Variants in TXNL4B observed in about 807,000 individuals in gnomAD.
TXNL4B encodes thioredoxin like 4B.
A neutral mutation model predicts 13.0 loss-of-function variants in TXNL4B; 12 were observed. The ratio of observed to expected loss-of-function variants is 0.92; its 90% CI spans 0.59 to 1.49. The LOEUF (loss-of-function observed/expected upper bound fraction) is 1.49, where lower values mean the gene tolerates loss of function less well. TXNL4B is among the 40% of genes most tolerant of loss of function. The pLI, the probability that TXNL4B is intolerant of heterozygous loss-of-function variation, is 0.00. For synonymous variants in TXNL4B, 59 were observed against 58.9 expected (o/e 1.00, Z -0.01); for missense variants, 214 against 173.6 (o/e 1.23, Z -1.31).
chr16:72,093,793 G>A (rs1317967343), upstream of TXNL4B: 1 of 152,332 alleles, frequency 6.6e-6, no homozygotes, highest in African/African-American at 2.4e-5. Context: ...ACTCGGAAGT[G>A]TCTGATCAGA....
At chr16:72,089,178 G>A in intron 2 of TXNL4B, 40 bp from the exon 3 acceptor site, 1 of 1,549,202 alleles carries the variant, frequency 6.5e-7, no homozygotes, top group South Asian at 1.2e-5. Flanking sequence ...AATATGAGAG[G>A]CAGCTTAATG....
At chr16:72,088,945 A>G in intron 3 of TXNL4B, 42 bp downstream of exon 3, 1 of 1,530,724 alleles carries the variant, frequency 6.5e-7, no homozygotes, top group Non-Finnish European at 8.9e-7. Context: ...TTACCAAGGA[A>G]ACTTACAAGG....
At chr16:72,093,306 T>G (rs1392035261) in intron 1 of TXNL4B, 61 bp downstream of exon 1, 1 of 152,220 alleles carries the variant, frequency 6.6e-6, no homozygotes, top group Non-Finnish European at 1.5e-5. Context: ...ATATACATAT[T>G]TAAAGTCACC....
chr16:72,093,904 A>C (rs1335649009), upstream of TXNL4B: 1 of 152,086 alleles, frequency 6.6e-6, no homozygotes, highest in Non-Finnish European at 1.5e-5. Context: ...CTTTGGGCGG[A>C]TAGAGGGGGC....
chr16:72,086,344 T>A lies in TXNL4B; in HGVS notation c.*293A>T. ...AGCCAATGTTTGGGAGGGTTCTGTA[T>A]TAAAGGGATAAAGAAAAACATTAGA... On this transcript the variant is annotated 3_prime_UTR_variant, in exon 4 of 4. Transcript: ENST00000268483. The A allele has an allele frequency of 3.9e-6, 1 of 255,954 alleles. No homozygotes were observed. The allele number at this position is 255,954 out of a possible 1,614,324, so 15.9% of individuals were successfully genotyped here. A position where few individuals can be genotyped will look rare whatever the true frequency, so the allele number is the denominator to read the frequency against.
intron 3 of TXNL4B, among the ~76,000 whole-genome samples, chr16:72,088,347 C>G (rs916785206): frequency 6.6e-6 from 1 of 152,202 alleles, no homozygotes; most frequent in African/African-American, 2.4e-5. Context: ...GTGGACACAT[C>G]AACCACAGTA....
chr16:72,084,896 G>A lies in TXNL4B; in HGVS notation c.*1741C>T. On this transcript the variant is annotated 3_prime_UTR_variant, in exon 4 of 4. Coordinates refer to ENST00000268483, the MANE Select transcript of TXNL4B (RefSeq NM_017853.3). ...ATTTTATTCTTTCACAGAAGTCTGAGGCAGGCAGGTCCAGAGTTCATGCAG... is the reference window on the plus strand; with the variant it reads ...ATTTTATTCTTTCACAGAAGTCTGAAGCAGGCAGGTCCAGAGTTCATGCAG... The A allele has an allele frequency of 2.5e-6, 1 of 398,616 alleles. No individual in the cohort carries two copies. The highest frequency in any genetic ancestry group is 4.4e-6 in the Non-Finnish European group (1 of 226,066). The allele number at this position is 398,616 out of a possible 1,614,324, so 24.7% of individuals were successfully genotyped here. A position where few individuals can be genotyped will look rare whatever the true frequency, so the allele number is the denominator to read the frequency against.
chr16:72,087,460 TTC>T (rs924901423), intron 3 of TXNL4B: 2 of 151,942 alleles, frequency 1.3e-5, no homozygotes, highest in African/African-American at 2.4e-5. Flanking sequence ...TGACATATAT[TTC>T]TTTCATTTGT....
At chr16:72,089,788 A>C (rs141423235) in intron 2 of TXNL4B, among the ~76,000 whole-genome samples, 3 of 152,342 alleles carry the variant, frequency 2.0e-5, no homozygotes, top group South Asian at 2.1e-4. Context: ...AACATTTGTT[A>C]ACTCATTTAA....
intron 1 of TXNL4B, among the ~76,000 whole-genome samples, chr16:72,091,281 A>G (rs2041900681): frequency 6.6e-6 from 1 of 152,182 alleles, no homozygotes; most frequent in Admixed American, 6.5e-5. Context: ...GGTAGGAAGC[A>G]GTTATAAGAA....
At chr16:72,089,237 A>T in intron 2 of TXNL4B, 99 bp from the exon 3 acceptor site, 2 of 1,055,654 alleles carry the variant, frequency 1.9e-6, no homozygotes, top group Non-Finnish European at 2.7e-6. Flanking sequence ...GTTTGAAAAA[A>T]CTCCTGGGCC....
At chr16:72,089,543 T>C (rs781744192) in intron 2 of TXNL4B, among the ~76,000 whole-genome samples, 1 of 152,166 alleles carries the variant, frequency 6.6e-6, no homozygotes, top group Non-Finnish European at 1.5e-5. Flanking sequence ...GAGCTGAGCA[T>C]ACAAATCCTT....
rs564334930 is a variant in TXNL4B at position 72,089,063 on chromosome 16, T to G, written c.208A>C (p.Thr70Pro). The G allele has an allele frequency of 6.2e-7, 1 of 1,611,480 alleles. No individual in the cohort carries two copies. The highest frequency in any genetic ancestry group is 1.3e-5 in the African/African-American group (1 of 75,024). Residue 70 changes from threonine (T) to proline (P), a missense_variant, in exon 3 of 4, where the codon ACA becomes CCA. Physicochemically the swap from Thr to Pro is conservative, Grantham distance 38. Coordinates refer to ENST00000268483, the MANE Select transcript of TXNL4B (RefSeq NM_017853.3). ...ATATAACTGATGTCAAAATACTGTG[T>G]ATAAACTGCAGTTTGGTCCACATCT... Reference protein sequence around the residue: ...LVDVDQTAVYTQYFDISYIPS... With the variant: ...LVDVDQTAVYPQYFDISYIPS...
intron 3 of TXNL4B, chr16:72,087,458 A>G (rs534232895): frequency 6.6e-6 from 1 of 151,920 alleles, no homozygotes; most frequent in African/African-American, 2.4e-5. Context: ...GCTGACATAT[A>G]TTTCTTTCAT....
intron 2 of TXNL4B, among the ~76,000 whole-genome samples, chr16:72,089,768 C>T (rs963737550): frequency 2.6e-5 from 4 of 152,198 alleles, no homozygotes; most frequent in Admixed American, 6.5e-5. Flanking sequence ...GGTAACTGTC[C>T]TAAGTGCTTA....
At position 72,085,960 on chromosome 16, in the gene TXNL4B, G is replaced by A. The variant is rs1026422695; in HGVS notation, c.*677C>T. On this transcript the variant is annotated 3_prime_UTR_variant, in exon 4 of 4. Coordinates refer to ENST00000268483, the MANE Select transcript of TXNL4B (RefSeq NM_017853.3). ...GGAGCTTGCAGTGAGCCGAGATCGC[G>A]CCACTGCACTCCAGCCTGGGTGACA... 9 of 149,674 alleles carry A rather than the reference G, an allele frequency of 6.0e-5. No individual in the cohort carries two copies. Among genetic ancestry groups the A allele is most frequent in the South Asian group, 2.1e-4 (1 of 4,738 alleles). 9.3% of individuals were successfully genotyped at this position (149,674 alleles called of 1,614,324 possible).
At chr16:72,091,834 A>C (rs3764312) in intron 1 of TXNL4B, among the ~76,000 whole-genome samples, 71,366 of 152,060 alleles carry the variant, frequency 0.47, 18,679 homozygotes, top group African/African-American at 0.71. Context: ...GGGACCTAAT[A>C]CAACCCCGTC....
Position 72,090,867 on chromosome 16 carries a change from G to A in TXNL4B, c.-37-81C>T, listed in dbSNP as rs2041894485. 4.4e-6 allele frequency: 5 copies of A among 1,127,766 alleles called. No individual in the cohort carries two copies. In the Admixed American group the frequency reaches 6.4e-5, roughly 14 times the overall value. The allele number at this position is 1,127,766 out of a possible 1,614,324, so 69.9% of individuals were successfully genotyped here. ...TTAAAAAAAATTAATTCACAGAGTA[G>A]CTAATGTATTCACATGGTATGAAAG... On this transcript the variant is annotated intron_variant, in intron 1 of 3. Coordinates refer to ENST00000268483, the MANE Select transcript of TXNL4B (RefSeq NM_017853.3).
rs12445586 is a variant in TXNL4B, at chr16:72,092,377, C to A, written c.-38+990G>T. 2.0e-5 allele frequency among the ~76,000 whole-genome samples: 3 copies of A among 151,478 alleles called. No individual in the cohort carries two copies. In the East Asian group the frequency reaches 5.8e-4, roughly 29 times the overall value. ...GCAGTGAGCTAGGATCGCTCCACTG[C>A]ACTCCAGCCTGGGCAAGGCAACAAG... On this transcript the variant is annotated intron_variant, in intron 1 of 3. Transcript: ENST00000268483.
Sources: gnomAD v4.1 joint callset for allele counts (sites outside exome capture counted in the v4.1 genomes callset) on GRCh38, gnomAD v4.1.1 for gene constraint, MANE v1.5 for transcripts, NCBI Gene and HGNC (gene_info 2026-07-23, HGNC 2026-07-21) for gene names.